ENO2: variants seen among roughly 807,000 people sequenced by gnomAD.
The protein encoded by ENO2 is gamma-enolase.
In ENO2, 19 loss-of-function variants were observed where a neutral mutation model predicts 48.7. The observed-to-expected ratio is 0.39, with a 90% CI of 0.27 to 0.57. The LOEUF (loss-of-function observed/expected upper bound fraction) is 0.57. ENO2 is among the 20% of genes least tolerant of loss of function. The pLI, the probability that ENO2 is intolerant of heterozygous loss-of-function variation, is 0.58. For missense variants in ENO2, 416 were observed against 555.0 expected (o/e 0.75, Z 2.52); for synonymous variants, 198 against 213.4 (o/e 0.93, Z 0.63).
rs1440929247 is a variant in ENO2 at position 6,923,069 on chromosome 12, G to A, written c.*269G>A. 2.3e-6 allele frequency: 1 copy of A among 432,830 alleles called. No homozygotes were observed. Among genetic ancestry groups the A allele is most frequent in the East Asian group, 4.2e-5 (1 of 23,912 alleles). The allele number at this position is 432,830 out of a possible 1,614,324, so 26.8% of individuals were successfully genotyped here. A position where few individuals can be genotyped will look rare whatever the true frequency, so the allele number is the denominator to read the frequency against. ...CCTCAGAAACTAGAAATGTGAATGA[G>A]GATTATTATAAAAGGGGGTCCGTGG... is the stretch of plus-strand genomic sequence containing the variant. On this transcript the variant is annotated 3_prime_UTR_variant, in exon 12 of 12. Transcript: ENST00000229277.
chr12:6,923,536 C>G lies in ENO2; in HGVS notation c.*736C>G, dbSNP rs1168975679. 2 of 152,132 alleles carry G rather than the reference C, an allele frequency of 1.3e-5. No homozygotes were observed. The highest frequency in any genetic ancestry group is 2.9e-5 in the Non-Finnish European group (2 of 68,070). 9.4% of individuals were successfully genotyped at this position (152,132 alleles called of 1,614,324 possible). ...GTTGGTCCAGAGCGGAGGCTGTGTG[C>G]CTGGGGGAGTTTTCCTCTATACATC... On this transcript the variant is annotated 3_prime_UTR_variant, in exon 12 of 12. Coordinates refer to ENST00000229277, the MANE Select transcript of ENO2 (RefSeq NM_001975.3).
chr12:6,921,608 A>C lies in ENO2; in HGVS notation c.893A>C (p.Gln298Pro). 1 of 1,614,144 alleles carries C rather than the reference A, an allele frequency of 6.2e-7. No homozygotes were observed. The highest frequency in any genetic ancestry group is 8.5e-7 in the Non-Finnish European group (1 of 1,180,018). Residue 298 changes from glutamine to proline, a missense_variant, in exon 9 of 12, where the codon CAG (glutamine) becomes CCG (proline). By Grantham distance (76) the Gln-to-Pro change is moderately conservative. Coordinates refer to ENST00000229277, the MANE Select transcript of ENO2 (RefSeq NM_001975.3). ...GTCTCCATTGAGGACCCATTTGACC[A>C]GGATGATTGGGCTGCCTGGTCCAAG... ...PVVSIEDPFD[Q>P]DDWAAWSKFT...
chr12:6,922,668 T>C lies in ENO2; in HGVS notation c.1236-63T>C. 2 of 1,593,822 alleles carry C rather than the reference T, an allele frequency of 1.3e-6. No homozygotes were observed. The highest frequency in any genetic ancestry group is 1.7e-6 in the Non-Finnish European group (2 of 1,162,308). ...GGGTGGTTGGAGTCTGGGGGACCCC[T>C]AGAGAGAGAAGCAGGATCCTCCTGC... On this transcript the variant is annotated intron_variant, in intron 11 of 11. Coordinates refer to ENST00000229277, the MANE Select transcript of ENO2 (RefSeq NM_001975.3). This position sits in a 1 kb window ranked among gnomAD's most constrained non-coding sequence, Gnocchi z 5.3.
Position 6,922,102 on chromosome 12 carries a change from C to T in ENO2, c.1114C>T (p.Arg372Cys), listed in dbSNP as rs374159915. 5.0e-5 allele frequency: 81 copies of T among 1,614,020 alleles called. No individual in the cohort carries two copies. The highest frequency in any genetic ancestry group is 6.8e-5 in the Non-Finnish European group (80 of 1,180,036). Residue 372 changes from arginine to cysteine, a missense_variant, in exon 10 of 12, where the codon CGC becomes TGC. Transcript: ENST00000229277. The surrounding 1 kb of genome is among the most constrained non-coding windows in gnomAD (Gnocchi z 5.3). Reference sequence around the variant, plus strand: ...TGGCTGGGGGGTCATGGTGAGTCATCGCTCAGGAGAGACTGAGGACACATT... The same window carrying T: ...TGGCTGGGGGGTCATGGTGAGTCATTGCTCAGGAGAGACTGAGGACACATT... ...ENGWGVMVSH[R>C]SGETEDTFIA...
At position 6,915,546 on chromosome 12, in the gene ENO2, C is replaced by A; in HGVS notation, c.-12-275C>A. On this transcript the variant is annotated intron_variant, in intron 1 of 11. Coordinates refer to ENST00000229277, the MANE Select transcript of ENO2 (RefSeq NM_001975.3). ...ACCACTGTCGTGCCCCTCCCCTCCT[C>A]ACTGCAGTGTTCTCCCATCTCATCA... 9 of 430,128 alleles carry A rather than the reference C, an allele frequency of 2.1e-5. No homozygotes were observed. The South Asian group carries it at 2.7e-4, about 13-fold the overall frequency. 26.6% of individuals were successfully genotyped at this position (430,128 alleles called of 1,614,324 possible).
intron 8 of ENO2, among the ~76,000 whole-genome samples, chr12:6,921,227 C>G (rs1445167163): frequency 6.6e-6 from 1 of 152,116 alleles, no homozygotes; most frequent in Admixed American, 6.5e-5. Context: ...GACCTCATCT[C>G]TACAAAAATT....
intron 5 of ENO2, 78 bp downstream of exon 5, chr12:6,917,185 G>A (rs1555141700): frequency 6.5e-7 from 1 of 1,533,426 alleles, no homozygotes; most frequent in South Asian, 1.1e-5. Flanking sequence ...AAGGGCCAGT[G>A]CTGTAGTGGC....
chr12:6,920,390 GT>G (rs200959892), intron 8 of ENO2, among the ~76,000 whole-genome samples: 4 of 144,364 alleles, frequency 2.8e-5, no homozygotes, highest in South Asian at 2.2e-4. Flanking sequence ...GGGTGGGGTT[GT>G]TTTTTTTGTT....
At position 6,917,975 on chromosome 12, in the gene ENO2, C is replaced by T. The variant is rs1555141803; in HGVS notation, c.480C>T (p.Gly160=). 1 of 1,614,126 alleles carries T rather than the reference C, an allele frequency of 6.2e-7. No individual in the cohort carries two copies. The highest frequency in any genetic ancestry group is 1.1e-5 in the South Asian group (1 of 91,076). The change falls in exon 7 of 12, where the codon GGC becomes GGT. Residue 160 remains glycine (G), a synonymous_variant. Coordinates refer to ENST00000229277, the MANE Select transcript of ENO2 (RefSeq NM_001975.3). ...TGATCAATGGTGGCTCTCATGCTGG[C>T]AACAAGCTGGCCATGCAGGAGTTCA... ...FNVINGGSHA[G]NKLAMQEFMI... is the part of the protein sequence containing the mutation.
rs1040719747 is a variant in ENO2 at position 6,919,747 on chromosome 12, T to C, written c.849T>C (p.Phe283=). Residue 283 remains phenylalanine, a synonymous_variant, in exon 8 of 12, where the codon TTT becomes TTC. Transcript: ENST00000229277. ...AGCTGGGGGCACTCTACCAGGACTT[T>C]GTCAGGGACTATCCTGGTGAGAGGA... ...GDQLGALYQD[F]VRDYPVVSIE... 10 of 1,613,744 alleles carry C rather than the reference T, an allele frequency of 6.2e-6. No individual in the cohort carries two copies. Among genetic ancestry groups the C allele is most frequent in the Admixed American group, 1.7e-5 (1 of 59,980 alleles).
At chr12:6,918,210 G>A (rs782648468) in intron 7 of ENO2, 48 bp downstream of exon 7, 2 of 1,592,992 alleles carry the variant, frequency 1.3e-6, no homozygotes, top group Non-Finnish European at 1.7e-6. Flanking sequence ...CCCTATTGTG[G>A]GACATCAGAA....
In ENO2 at chr12:6,916,731, T is replaced by C; in HGVS notation, c.240+2T>C. On this transcript the variant is annotated splice_donor_variant, in intron 4 of 11. Coordinates refer to ENST00000229277, the MANE Select transcript of ENO2 (RefSeq NM_001975.3). LOFTEE classifies it high-confidence loss of function. This position sits in a 1 kb window ranked among gnomAD's most constrained non-coding sequence, Gnocchi z 4.5. ...ATCGCGCCAGCCCTCATCAGCTCAG[T>C]GAGGCCTGCTCTTTGCTGGGGATAG... 6.2e-7 allele frequency: 1 copy of C among 1,614,052 alleles called. No individual in the cohort carries two copies. Among genetic ancestry groups the C allele is most frequent in the Non-Finnish European group, 8.5e-7 (1 of 1,179,982 alleles).
chr12:6,918,576 T>C (rs1945312798), intron 7 of ENO2, among the ~76,000 whole-genome samples: 1 of 151,316 alleles, frequency 6.6e-6, no homozygotes, highest in South Asian at 2.1e-4. Context: ...CCTGACCTTG[T>C]GATCGGCCCG....
Position 6,921,688 on chromosome 12 carries a change from C to G in ENO2, c.973C>G (p.Pro325Ala), listed in dbSNP as rs781863469. The G allele has an allele frequency of 1.2e-6, 2 of 1,614,136 alleles. No homozygotes were observed. Among genetic ancestry groups the G allele is most frequent in the East Asian group, 2.2e-5 (1 of 44,872 alleles). Reference protein sequence around the residue: ...IVGDDLTVTNPKRIERAVEEK... With the variant: ...IVGDDLTVTNAKRIERAVEEK... ...GGGTGATGACCTGACAGTGACCAAC[C>G]CAAAACGTATTGAGCGGGCAGTGGA... Residue 325 changes from proline to alanine, a missense_variant, in exon 9 of 12, where the codon CCA (proline) becomes GCA (alanine). Pro to Ala is a conservative substitution (Grantham distance 27). Coordinates refer to ENST00000229277, the MANE Select transcript of ENO2 (RefSeq NM_001975.3).
Position 6,922,906 on chromosome 12 carries a change from G to GCCCAGAACTTCCCTGATTGA in ENO2, c.*109_*128dup, listed in dbSNP as rs1945354871. 3 of 1,282,648 alleles carry GCCCAGAACTTCCCTGATTGA rather than the reference G, an allele frequency of 2.3e-6. No homozygotes were observed. The highest frequency in any genetic ancestry group is 3.4e-6 in the Non-Finnish European group (3 of 895,102). 79.5% of individuals were successfully genotyped at this position (1,282,648 alleles called of 1,614,324 possible). The stretch of plus-strand genomic sequence containing the variant: ...CCTGAGATCCCCTGAGCCCCAGGGT[G>GCCCAGAACTTCCCTGATTGA]CCCAGAACTTCCCTGATTGACCTGC... On this transcript the variant is annotated 3_prime_UTR_variant, in exon 12 of 12. Transcript: ENST00000229277. The surrounding 1 kb of genome is among the most constrained non-coding windows in gnomAD (Gnocchi z 5.3).
intron 6 of ENO2, 42 bp from the exon 7 acceptor site, chr12:6,917,898 G>A: frequency 6.2e-7 from 1 of 1,608,880 alleles, no homozygotes; most frequent in African/African-American, 1.3e-5. Flanking sequence ...GGGCGGGCAG[G>A]GAGGGGCTCT....
In ENO2 at chr12:6,922,436, G is replaced by A; in HGVS notation, c.1235+34G>A. 6.2e-7 allele frequency: 1 copy of A among 1,613,670 alleles called. No homozygotes were observed. The highest frequency in any genetic ancestry group is 8.5e-7 in the Non-Finnish European group (1 of 1,179,760). On this transcript the variant is annotated intron_variant, in intron 11 of 11. Coordinates refer to ENST00000229277, the MANE Select transcript of ENO2 (RefSeq NM_001975.3). This position sits in a 1 kb window ranked among gnomAD's most constrained non-coding sequence, Gnocchi z 5.3. ...CCCTGGGGTGGGAGCCCCTGGCCCA[G>A]ATGGCTAAAGGCCCCATTTGCCTGC...
At chr12:6,917,801 A>G in intron 6 of ENO2, 87 bp downstream of exon 6, 1 of 1,555,108 alleles carries the variant, frequency 6.4e-7, no homozygotes, top group Non-Finnish European at 8.7e-7. Context: ...AGGAAAGTGA[A>G]TTGAGGGAGG....
chr12:6,915,767 C>A, intron 1 of ENO2, 54 bp from the exon 2 acceptor site: 2 of 1,314,046 alleles, frequency 1.5e-6, no homozygotes, highest in Non-Finnish European at 1.0e-6. Flanking sequence ...TGATCTCAGG[C>A]TCCACCCCTC....
Sources: allele counts gnomAD v4.1 joint callset (sites outside exome capture counted in the v4.1 genomes callset), GRCh38; gene constraint gnomAD v4.1.1; non-coding constraint Gnocchi (gnomAD v3.1); transcripts MANE v1.5; gene names NCBI Gene and HGNC (gene_info 2026-07-23, HGNC 2026-07-21).